Variants in HCN1 observed in about 807,000 individuals in gnomAD.
HCN1 encodes the protein potassium/sodium hyperpolarization-activated cyclic nucleotide-gated channel 1.
Under a neutral mutation model 78.9 loss-of-function variants are expected in HCN1, and 13 were observed. The observed-to-expected ratio is 0.16, with a 90% CI of 0.11 to 0.26. The LOEUF (loss-of-function observed/expected upper bound fraction) is 0.26. Ranked by LOEUF, HCN1 falls within the 10% of genes least tolerant of loss-of-function variation. The probability of loss-of-function intolerance (pLI) is 1.00; values close to 1 mark genes in which losing one functional copy is unlikely to be tolerated. For missense variants in HCN1, 810 were observed against 1,154.3 expected (o/e 0.70, Z 4.32); for synonymous variants, 552 against 455.5 (o/e 1.21, Z -2.70).
chr5:45,466,637 A>G (rs1408534873), intron 2 of HCN1, among the ~76,000 whole-genome samples: 1 of 152,154 alleles, frequency 6.6e-6, no homozygotes, highest in African/African-American at 2.4e-5. Flanking sequence ...AAATTAAAAA[A>G]ACAGCTACTC....
intron 1 of HCN1, among the ~76,000 whole-genome samples, chr5:45,682,306 AATTTTAAAAAC>A: frequency 7.1e-6 from 1 of 140,546 alleles, no homozygotes; most frequent in African/African-American, 2.8e-5. Context: ...TATATATCCC[AATTTTAAAAAC>A]TACATAAAAC....
chr5:45,378,829 GTTC>G (rs1747744815), intron 4 of HCN1, among the ~76,000 whole-genome samples: 1 of 151,952 alleles, frequency 6.6e-6, no homozygotes, highest in Non-Finnish European at 1.5e-5. Flanking sequence ...GTGTCCAAGT[GTTC>G]TCATTGTTCA....
At chr5:45,355,314 G>A (rs542177299) in intron 4 of HCN1, among the ~76,000 whole-genome samples, 1 of 152,000 alleles carries the variant, frequency 6.6e-6, no homozygotes, top group East Asian at 1.9e-4. Flanking sequence ...ATTATTGTAT[G>A]CCAGTAGTTC....
intron 3 of HCN1, among the ~76,000 whole-genome samples, chr5:45,416,320 T>C (rs1415878142): frequency 6.6e-6 from 1 of 151,988 alleles, no homozygotes; most frequent in African/African-American, 2.4e-5. Context: ...CCCTTCACAA[T>C]GATATATTTA....
chr5:45,285,288 T>G (rs1359014094), intron 6 of HCN1, among the ~76,000 whole-genome samples: 1 of 152,042 alleles, frequency 6.6e-6, no homozygotes, highest in African/African-American at 2.4e-5. Flanking sequence ...CCAATGCACA[T>G]GGCTAATGCA....
At chr5:45,301,107 A>G (rs909877271) in intron 6 of HCN1, among the ~76,000 whole-genome samples, 1 of 152,082 alleles carries the variant, frequency 6.6e-6, no homozygotes, top group African/African-American at 2.4e-5. Context: ...ACTTACCAAA[A>G]TTCAAATATT....
chr5:45,255,551 G>A lies in HCN1; in HGVS notation c.*6370C>T, dbSNP rs976374108. On this transcript the variant is annotated 3_prime_UTR_variant, in exon 8 of 8. Coordinates refer to ENST00000303230, the MANE Select transcript of HCN1 (RefSeq NM_021072.4). ...ACACTTTCCACAGTGAGGCACGCAA[G>A]AACATTTAGAACTGCACATTTTAAA... 1 of 152,152 alleles carries A rather than the reference G, an allele frequency of 6.6e-6. No individual in the cohort carries two copies. Among genetic ancestry groups the A allele is most frequent in the Non-Finnish European group, 1.5e-5 (1 of 68,016 alleles). The allele number at this position is 152,152 out of a possible 1,614,324, so 9.4% of individuals were successfully genotyped here. A position where few individuals can be genotyped will look rare whatever the true frequency, so the allele number is the denominator to read the frequency against.
chr5:45,255,353 A>G lies in HCN1; in HGVS notation c.*6568T>C, dbSNP rs1744586231. 1 of 152,172 alleles carries G rather than the reference A, an allele frequency of 6.6e-6. No homozygotes were observed. The highest frequency in any genetic ancestry group is 6.5e-5 in the Admixed American group (1 of 15,274). The allele number at this position is 152,172 out of a possible 1,614,324, so 9.4% of individuals were successfully genotyped here. On this transcript the variant is annotated 3_prime_UTR_variant, in exon 8 of 8. Coordinates refer to ENST00000303230, the MANE Select transcript of HCN1 (RefSeq NM_021072.4). ...GAAGTTCCCTTAAAAAGCCCTTAAA[A>G]TTTACCTCCTCTAGGACTTACTAGT... is the stretch of plus-strand genomic sequence containing the variant.
chr5:45,625,076 C>T (rs147461811), intron 2 of HCN1, among the ~76,000 whole-genome samples: 361 of 152,184 alleles, frequency 2.4e-3, no homozygotes, highest in African/African-American at 8.1e-3. Flanking sequence ...TCTGGCTGGG[C>T]GTAGTGGCTC....
chr5:45,509,339 T>C (rs1742364282), intron 2 of HCN1, among the ~76,000 whole-genome samples: 2 of 152,144 alleles, frequency 1.3e-5, no homozygotes, highest in East Asian at 3.9e-4. Flanking sequence ...GTAGATGATA[T>C]GTCTTTATAA....
At chr5:45,439,005 C>G (rs1318679011) in intron 3 of HCN1, among the ~76,000 whole-genome samples, 1 of 151,916 alleles carries the variant, frequency 6.6e-6, no homozygotes, top group Non-Finnish European at 1.5e-5. Flanking sequence ...ATAGGAATAC[C>G]CTTAGACTCA....
chr5:45,322,139 A>G (rs1410138510), intron 5 of HCN1, among the ~76,000 whole-genome samples: 1 of 151,886 alleles, frequency 6.6e-6, no homozygotes, highest in Non-Finnish European at 1.5e-5. Flanking sequence ...TTAAGAGACA[A>G]CTGGAGTCTT....
Position 45,327,905 on chromosome 5 carries a change from CT to C in HCN1, c.1378-24067del, listed in dbSNP as rs567474795. Among the ~76,000 whole-genome samples the C allele has an allele frequency of 1.8e-4, 28 of 151,736 alleles. No individual in the cohort carries two copies. The South Asian group carries it at 5.8e-3, about 31-fold the overall frequency. ...GATCTCAGACTTCCAGTCTCCAGAA[CT>C]GTGAAAAAATACATTTCTTTTGTTT... On this transcript the variant is annotated intron_variant, in intron 5 of 7. Coordinates refer to ENST00000303230, the MANE Select transcript of HCN1 (RefSeq NM_021072.4).
At chr5:45,619,178 A>C (rs1163177862) in intron 2 of HCN1, among the ~76,000 whole-genome samples, 1 of 152,058 alleles carries the variant, frequency 6.6e-6, no homozygotes, top group Non-Finnish European at 1.5e-5. Flanking sequence ...CCTCCTAAGA[A>C]ATATTTTCAT....
chr5:45,370,881 G>T (rs1284922138), intron 4 of HCN1, among the ~76,000 whole-genome samples: 1 of 152,000 alleles, frequency 6.6e-6, no homozygotes, highest in Non-Finnish European at 1.5e-5. Flanking sequence ...GAGCTAAATG[G>T]AACATTTAAA....
intron 6 of HCN1, among the ~76,000 whole-genome samples, chr5:45,287,023 T>C (rs1022646573): frequency 4.6e-5 from 7 of 151,744 alleles, no homozygotes; most frequent in African/African-American, 1.7e-4. Flanking sequence ...CATACTTAAT[T>C]GAAGTATGCT....
At chr5:45,321,246 T>G (rs1358108910) in intron 5 of HCN1, among the ~76,000 whole-genome samples, 1 of 151,908 alleles carries the variant, frequency 6.6e-6, no homozygotes, top group African/African-American at 2.4e-5. Context: ...CCTGATTTAT[T>G]AAGCCCCCAT....
At chr5:45,442,071 C>T (rs2111570543) in intron 3 of HCN1, among the ~76,000 whole-genome samples, 1 of 152,192 alleles carries the variant, frequency 6.6e-6, no homozygotes, top group Admixed American at 6.5e-5. Flanking sequence ...TAGGCTTGAT[C>T]TGTCAGACAT....
chr5:45,313,116 C>T (rs916907137), intron 5 of HCN1, among the ~76,000 whole-genome samples: 4 of 152,192 alleles, frequency 2.6e-5, no homozygotes, highest in Admixed American at 2.6e-4. Context: ...AGGCACCCCC[C>T]AGTAGGGGCA....
Sources: allele counts gnomAD v4.1 joint callset (sites outside exome capture counted in the v4.1 genomes callset), GRCh38; gene constraint gnomAD v4.1.1; transcripts MANE v1.5; gene names NCBI Gene and HGNC (gene_info 2026-07-23, HGNC 2026-07-21).